UBFD1: variants seen among roughly 807,000 people sequenced by gnomAD.
The protein encoded by UBFD1 is ubiquitin domain-containing protein UBFD1.
Under a neutral mutation model 35.1 loss-of-function variants are expected in UBFD1, and 12 were observed. That is an observed-to-expected ratio of 0.34 (90% CI 0.22 to 0.55). UBFD1 has a LOEUF of 0.55. Ranked by LOEUF, UBFD1 falls within the 20% of genes least tolerant of loss-of-function variation. UBFD1 has a pLI of 0.89. For missense variants in UBFD1, 337 were observed against 410.8 expected, an observed-to-expected ratio of 0.82 and a Z score of 1.55; for synonymous variants, 178 against 167.6, an observed-to-expected ratio of 1.06 and a Z score of -0.48.
chr16:23,563,396 C>T (rs565379574), intron 5 of UBFD1, among the ~76,000 whole-genome samples: 8 of 152,110 alleles, frequency 5.3e-5, no homozygotes, highest in Middle Eastern at 3.4e-3. Context: ...ATCAGCCTTG[C>T]TGTTTGCTGG....
At chr16:23,565,849 G>GCCCCCCCCCCCCCCCCCCCC (rs1258779411) in intron 5 of UBFD1, 3 of 62,844 alleles carry the variant, frequency 4.8e-5, no homozygotes, top group Admixed American at 1.6e-4. Context: ...GAGCCTCCCT[G>GCCCCCCCCCCCCCCCCCCCC]CCCCCCTCCC....
At chr16:23,570,125 G>T (rs536461964) in intron 6 of UBFD1, among the ~76,000 whole-genome samples, 1 of 152,252 alleles carries the variant, frequency 6.6e-6, no homozygotes, top group East Asian at 1.9e-4. Context: ...GTGGTCCCTG[G>T]ATCAGTAGTG....
rs541783827 is a variant in UBFD1 at position 23,559,751 on chromosome 16, T to A, written c.564+75T>A. 172 of 1,591,172 alleles carry A rather than the reference T, an allele frequency of 1.1e-4. No individual in the cohort carries two copies. The African/African-American group carries it at 2.0e-3, about 19-fold the overall frequency. On this transcript the variant is annotated intron_variant, in intron 3 of 6. Transcript: ENST00000395878. ...TCTTGAGCCGTGGCTGGTTATATTC[T>A]CCCTAGAATAAGCTCCTTTTTGGAC...
rs374288988 is a variant in UBFD1 at position 23,559,629 on chromosome 16, G to A, written c.517G>A (p.Asp173Asn). Residue 173 changes from aspartate (D) to asparagine (N), a missense_variant, in exon 3 of 7, where the codon GAT (aspartate) becomes AAT (asparagine). Around this residue, in one of 4 missense-constraint regions of UBFD1, gnomAD observed 44 missense variants for 39.2 expected, o/e 1.12. Transcript: ENST00000395878. ...VNTPKDAAQQ[D>N]AKAEENKKEP... The stretch of plus-strand genomic sequence containing the variant: ...CACACCCAAAGATGCTGCGCAGCAG[G>A]ATGCAAAGGCCGAAGAGAACAAGAA... 31 of 1,614,132 alleles carry A rather than the reference G, an allele frequency of 1.9e-5. No homozygotes were observed. In the Admixed American group the frequency reaches 2.2e-4, roughly 11 times the overall value.
At chr16:23,561,422 A>ACT (rs1490414454) in intron 3 of UBFD1, among the ~76,000 whole-genome samples, 2 of 152,188 alleles carry the variant, frequency 1.3e-5, no homozygotes, top group Admixed American at 1.3e-4. Context: ...AAGAAAGAAG[A>ACT]CTCAGGCATT....
intron 5 of UBFD1, chr16:23,566,130 G>A (rs147434456): frequency 0.019 from 2,901 of 152,306 alleles, 46 homozygotes; most frequent in Admixed American, 0.031. Context: ...CTTCATAAAA[G>A]TGTGTGAATA....
At chr16:23,559,201 C>A (rs1965889102) in intron 2 of UBFD1, 2 of 326,910 alleles carry the variant, frequency 6.1e-6, no homozygotes, top group South Asian at 7.0e-5. Context: ...ACTTACTGAA[C>A]AATTATTCAA....
intron 3 of UBFD1, among the ~76,000 whole-genome samples, chr16:23,560,709 T>A (rs1307688290): frequency 6.6e-6 from 1 of 152,198 alleles, no homozygotes; most frequent in South Asian, 2.1e-4. Context: ...AAGATTGTTA[T>A]GTATTTGAAA....
At chr16:23,564,223 T>C (rs1187348446) in intron 5 of UBFD1, 1 of 152,226 alleles carries the variant, frequency 6.6e-6, no homozygotes, top group Non-Finnish European at 1.5e-5. Flanking sequence ...TGGAGAATAA[T>C]TGGGGCAGGG....
rs1295233347 is a variant in UBFD1, at chr16:23,574,143, G to C, written c.*3553G>C. 3 of 152,452 alleles carry C rather than the reference G, an allele frequency of 2.0e-5. No individual in the cohort carries two copies. The highest frequency in any genetic ancestry group is 4.4e-5 in the Non-Finnish European group (3 of 68,026). 9.4% of individuals were successfully genotyped at this position (152,452 alleles called of 1,614,324 possible). On this transcript the variant is annotated 3_prime_UTR_variant, in exon 7 of 7. Transcript: ENST00000395878. ...GTTCTACTGCTTTCTCAATTTCTAA[G>C]AACCTTTTTTTTTTCTTAAAGAGTT...
At chr16:23,562,384 C>G in intron 4 of UBFD1, 113 bp downstream of exon 4, 1 of 994,032 alleles carries the variant, frequency 1.0e-6, no homozygotes, top group Admixed American at 2.7e-5. Context: ...TTTTTTGAGA[C>G]AGAGTCTTGC....
Position 23,562,723 on chromosome 16 carries a change from C to T in UBFD1, c.729C>T (p.Gly243=), listed in dbSNP as rs1965955432. The T allele has an allele frequency of 6.2e-7, 1 of 1,613,856 alleles. No homozygotes were observed. The highest frequency in any genetic ancestry group is 1.1e-5 in the South Asian group (1 of 91,060). ...FKLEQDQLWI[G]TKERTEKLPM... ...TAGAACAAGACCAGCTGTGGATTGGCACTAAAGGTATGTTCTTCCTCGCCT... is the reference window on the plus strand; with the variant it reads ...TAGAACAAGACCAGCTGTGGATTGGTACTAAAGGTATGTTCTTCCTCGCCT... The change falls in exon 5 of 7, where the codon GGC becomes GGT. Residue 243 remains glycine (G), a synonymous_variant. Transcript: ENST00000395878.
At position 23,570,647 on chromosome 16, in the gene UBFD1, G is replaced by A; in HGVS notation, c.*57G>A. 7.3e-7 allele frequency: 1 copy of A among 1,373,304 alleles called. No individual in the cohort carries two copies. Among genetic ancestry groups the A allele is most frequent in the Non-Finnish European group, 1.0e-6 (1 of 967,602 alleles). The allele number at this position is 1,373,304 out of a possible 1,614,324, so 85.1% of individuals were successfully genotyped here. On this transcript the variant is annotated 3_prime_UTR_variant, in exon 7 of 7. Transcript: ENST00000395878. ...CCCAAAGTGAAGGACATTGCCGGGA[G>A]AGGCCTGCAGCATCCCTGGATTTCA...
intron 4 of UBFD1, 94 bp downstream of exon 4, chr16:23,562,365 T>A: frequency 8.2e-7 from 1 of 1,216,126 alleles, no homozygotes; most frequent in Non-Finnish European, 1.2e-6. Flanking sequence ...CTTTTTTCCC[T>A]GTTTTTTTTT....
chr16:23,569,630 G>A (rs1966057239), intron 6 of UBFD1: 1 of 152,128 alleles, frequency 6.6e-6, no homozygotes, highest in Non-Finnish European at 1.5e-5. Context: ...CTGAGAAGTG[G>A]CAATTGTAAA....
Position 23,571,791 on chromosome 16 carries a change from G to A in UBFD1, c.*1201G>A, listed in dbSNP as rs1966087908. The stretch of plus-strand genomic sequence containing the variant: ...CAAAAATGGGATAAATTGCTTTCAT[G>A]ATTAGCTCACCTTCTTCTGGTTTTA... On this transcript the variant is annotated 3_prime_UTR_variant, in exon 7 of 7. Transcript: ENST00000395878. 2.0e-5 allele frequency: 3 copies of A among 152,688 alleles called. No homozygotes were observed. Among genetic ancestry groups the A allele is most frequent in the African/African-American group, 4.8e-5 (2 of 41,464 alleles). 9.5% of individuals were successfully genotyped at this position (152,688 alleles called of 1,614,324 possible).
chr16:23,565,993 G>C (rs1195939955), intron 5 of UBFD1: 1 of 152,336 alleles, frequency 6.6e-6, no homozygotes, highest in African/African-American at 2.4e-5. Context: ...TCTCACTCCA[G>C]GCATCCCTTG....
At chr16:23,568,893 C>T (rs1222156663) in intron 6 of UBFD1, 1 of 152,064 alleles carries the variant, frequency 6.6e-6, no homozygotes, top group Non-Finnish European at 1.5e-5. Flanking sequence ...GGCCCCATCA[C>T]TCCTTTTTGA....
At position 23,573,457 on chromosome 16, in the gene UBFD1, C is replaced by G. The variant is rs79869738; in HGVS notation, c.*2867C>G. 1 of 152,282 alleles carries G rather than the reference C, an allele frequency of 6.6e-6. No homozygotes were observed. Among genetic ancestry groups the G allele is most frequent in the African/African-American group, 2.4e-5 (1 of 41,452 alleles). The allele number at this position is 152,282 out of a possible 1,614,324, so 9.4% of individuals were successfully genotyped here. On this transcript the variant is annotated 3_prime_UTR_variant, in exon 7 of 7. Transcript: ENST00000395878. The stretch of plus-strand genomic sequence containing the variant: ...GCGTGACCCTGTGAGCCAGGCCCCC[C>G]TTAGCTCTGCTTCAGATCACAGAAC...
Sources: allele counts gnomAD v4.1 joint callset (sites outside exome capture counted in the v4.1 genomes callset), GRCh38; gene constraint gnomAD v4.1.1; regional missense constraint gnomAD v4.1.1; transcripts MANE v1.5; gene names NCBI Gene and HGNC (gene_info 2026-07-23, HGNC 2026-07-21).